The following PXDNL variants were observed in gnomAD, a reference collection of about 807,000 sequenced individuals.
The protein encoded by PXDNL is probable oxidoreductase PXDNL.
A neutral mutation model predicts 150.8 loss-of-function variants in PXDNL; 145 were observed. The ratio of observed to expected loss-of-function variants is 0.96; its 90% CI spans 0.84 to 1.10. The LOEUF (loss-of-function observed/expected upper bound fraction) is 1.10, where lower values mean the gene tolerates loss of function less well. Among genes scored for constraint, PXDNL ranks in the 50% least tolerant of loss-of-function variants. The probability of loss-of-function intolerance (pLI) is 0.00; values close to 1 mark genes in which losing one functional copy is unlikely to be tolerated. For synonymous variants in PXDNL, 757 were observed against 725.7 expected (o/e 1.04, Z -0.69); for missense variants, 2,087 against 1,873.9 (o/e 1.11, Z -2.10).
intron 19 of PXDNL, among the ~76,000 whole-genome samples, chr8:51,369,294 C>T (rs10098829): frequency 9.9e-5 from 15 of 152,226 alleles, no homozygotes; most frequent in African/African-American, 3.1e-4. Context: ...CCTGAAACTA[C>T]GGAGCCACAG....
intron 1 of PXDNL, among the ~76,000 whole-genome samples, chr8:51,714,051 C>G (rs1314694970): frequency 6.6e-6 from 1 of 152,044 alleles, no homozygotes; most frequent in African/African-American, 2.4e-5. Flanking sequence ...CACTGAAATG[C>G]TTTTTAAAGC....
chr8:51,463,927 G>C (rs1287065053), intron 8 of PXDNL, among the ~76,000 whole-genome samples: 1 of 151,236 alleles, frequency 6.6e-6, no homozygotes, highest in Non-Finnish European at 1.5e-5. Context: ...AAAATCTCTA[G>C]AATGCAGCAA....
chr8:51,541,870 C>T (rs7840545), intron 4 of PXDNL, among the ~76,000 whole-genome samples: 7,110 of 152,138 alleles, frequency 0.047, 562 homozygotes, highest in African/African-American at 0.16. Context: ...CCAACACTGC[C>T]GTTTCATGTT....
intron 17 of PXDNL, among the ~76,000 whole-genome samples, chr8:51,380,428 T>C (rs2130808523): frequency 6.6e-6 from 1 of 152,362 alleles, no homozygotes; most frequent in East Asian, 1.9e-4. Flanking sequence ...CCTATCAATA[T>C]TACTGAATCT....
intron 21 of PXDNL, among the ~76,000 whole-genome samples, chr8:51,334,133 G>A (rs141759641): frequency 2.7e-4 from 25 of 93,772 alleles, no homozygotes; most frequent in African/African-American, 1.0e-3. Context: ...GCAGACCACA[G>A]TGGAATAAAA....
At chr8:51,560,338 C>G (rs1812693750) in intron 3 of PXDNL, among the ~76,000 whole-genome samples, 1 of 151,914 alleles carries the variant, frequency 6.6e-6, no homozygotes, top group South Asian at 2.1e-4. Context: ...TGTGACATTT[C>G]AAGAGGCCCT....
intron 17 of PXDNL, among the ~76,000 whole-genome samples, chr8:51,383,060 T>C (rs1382258795): frequency 1.3e-5 from 2 of 152,222 alleles, no homozygotes; most frequent in South Asian, 2.1e-4. Flanking sequence ...AAGTAACTTA[T>C]TAATCATGTA....
At chr8:51,475,211 G>T in intron 6 of PXDNL, 70 bp from the exon 7 acceptor site, 1 of 1,430,698 alleles carries the variant, frequency 7.0e-7, no homozygotes, top group Non-Finnish European at 9.6e-7. Flanking sequence ...CTTTTGAGTG[G>T]TAATATTTAA....
intron 3 of PXDNL, among the ~76,000 whole-genome samples, chr8:51,578,000 AG>A (rs1301653969): frequency 0.013 from 334 of 25,476 alleles, 13 homozygotes; most frequent in African/African-American, 0.042. Context: ...AGAAAGAAAG[AG>A]GAAGGAAGGA....
intron 21 of PXDNL, among the ~76,000 whole-genome samples, chr8:51,323,326 C>A (rs1805384057): frequency 6.6e-6 from 1 of 152,168 alleles, no homozygotes; most frequent in Admixed American, 6.5e-5. Context: ...GTCACCCAGG[C>A]TGGAGTGTAG....
chr8:51,506,202 C>T (rs1028508001), intron 4 of PXDNL, among the ~76,000 whole-genome samples: 6 of 152,104 alleles, frequency 3.9e-5, no homozygotes, highest in African/African-American at 1.4e-4. Context: ...AATCATACTG[C>T]ACAAGCTTCA....
At chr8:51,557,251 T>C (rs1222593467) in intron 3 of PXDNL, among the ~76,000 whole-genome samples, 3 of 152,144 alleles carry the variant, frequency 2.0e-5, no homozygotes, top group Non-Finnish European at 4.4e-5. Flanking sequence ...ATTTATTTTA[T>C]GACACTGAAT....
At chr8:51,678,274 C>G (rs969683956) in intron 1 of PXDNL, among the ~76,000 whole-genome samples, 1 of 152,152 alleles carries the variant, frequency 6.6e-6, no homozygotes, top group African/African-American at 2.4e-5. Context: ...AGACTTGTTT[C>G]TTCAGTAGAG....
intron 1 of PXDNL, among the ~76,000 whole-genome samples, chr8:51,770,636 T>C (rs893556861): frequency 1.3e-5 from 2 of 152,216 alleles, no homozygotes; most frequent in Non-Finnish European, 1.5e-5. Context: ...ATCTGAGATG[T>C]CAACTACTCA....
intron 19 of PXDNL, among the ~76,000 whole-genome samples, chr8:51,357,683 G>A (rs777617870): frequency 3.0e-4 from 45 of 152,208 alleles, no homozygotes; most frequent in African/African-American, 1.0e-3. Flanking sequence ...GGCAACACCA[G>A]AGTGGAACAA....
At chr8:51,747,848 CA>C (rs2037002325) in intron 1 of PXDNL, among the ~76,000 whole-genome samples, 1 of 152,118 alleles carries the variant, frequency 6.6e-6, no homozygotes, top group Non-Finnish European at 1.5e-5. Context: ...CACCTTATTC[CA>C]AAATAGCAGG....
chr8:51,358,614 C>T (rs1043855136), intron 19 of PXDNL, among the ~76,000 whole-genome samples: 2 of 152,194 alleles, frequency 1.3e-5, no homozygotes, highest in Non-Finnish European at 2.9e-5. Flanking sequence ...CAACCAAAGA[C>T]AAGAGGAATG....
intron 18 of PXDNL, among the ~76,000 whole-genome samples, chr8:51,374,304 TGA>T (rs1807230441): frequency 6.6e-6 from 1 of 152,230 alleles, no homozygotes; most frequent in Admixed American, 6.5e-5. Context: ...CTGTAAGTGG[TGA>T]GACTCAGATT....
intron 1 of PXDNL, among the ~76,000 whole-genome samples, chr8:51,804,928 A>C (rs4873606): frequency 0.69 from 104,138 of 151,280 alleles, 42,242 homozygotes; most frequent in Non-Finnish European, 0.9. Context: ...TCAAGCTGTC[A>C]CCTCCACATT....
Sources: gnomAD v4.1 joint callset for allele counts (sites outside exome capture counted in the v4.1 genomes callset) on GRCh38, gnomAD v4.1.1 for gene constraint, MANE v1.5 for transcripts, NCBI Gene and HGNC (gene_info 2026-07-23, HGNC 2026-07-21) for gene names.